Variants in BTBD9 observed in about 807,000 individuals in gnomAD.
The protein encoded by BTBD9 is BTB domain containing 9.
BTBD9 carries 49 observed loss-of-function variants against 64.3 expected under a neutral mutation model. The ratio of observed to expected loss-of-function variants is 0.76; its 90% CI spans 0.61 to 0.97. The LOEUF is 0.97. Ranked by LOEUF, BTBD9 falls within the 50% of genes least tolerant of loss-of-function variation. The probability of loss-of-function intolerance (pLI) is 0.00; values close to 1 mark genes in which losing one functional copy is unlikely to be tolerated. For synonymous variants in BTBD9, 260 were observed against 274.7 expected (o/e 0.95, Z 0.53); for missense variants, 598 against 762.1 (o/e 0.78, Z 2.53).
intron 8 of BTBD9, among the ~76,000 whole-genome samples, chr6:38,261,423 C>T (rs373373862): frequency 6.6e-6 from 1 of 152,166 alleles, no homozygotes; most frequent in South Asian, 2.1e-4. Context: ...ACTACCAGCA[C>T]TGCATAACAA....
In BTBD9 at chr6:38,592,656, A is replaced by G; in HGVS notation, c.734T>C (p.Leu245Pro). 6.2e-7 allele frequency: 1 copy of G among 1,614,150 alleles called. No homozygotes were observed. Among genetic ancestry groups the G allele is most frequent in the Non-Finnish European group, 8.5e-7 (1 of 1,180,012 alleles). Residue 245 changes from leucine (L) to proline (P), a missense_variant, in exon 4 of 11, where the codon CTG becomes CCG. By Grantham distance (98) the Leu-to-Pro change is moderately conservative. Coordinates refer to ENST00000481247, the MANE Select transcript of BTBD9 (RefSeq NM_001099272.2). ...LLNVVRPSGL[L>P]SPDAILDAIK... ...GGCATCCAGGATGGCATCAGGAGAC[A>G]GCAGTCCTGAAGGCCTCACAACATT...
intron 6 of BTBD9, among the ~76,000 whole-genome samples, chr6:38,523,678 G>A (rs1356019576): frequency 1.3e-5 from 2 of 152,102 alleles, no homozygotes; most frequent in Non-Finnish European, 2.9e-5. Context: ...CAACATTTTA[G>A]CCTACAGTAT....
At chr6:38,488,518 C>T (rs1370158085) in intron 6 of BTBD9, among the ~76,000 whole-genome samples, 1 of 152,120 alleles carries the variant, frequency 6.6e-6, no homozygotes. Context: ...TGCGATGTGT[C>T]GGCATAGCAC....
At chr6:38,449,082 G>C (rs1032192425) in intron 6 of BTBD9, among the ~76,000 whole-genome samples, 4 of 152,118 alleles carry the variant, frequency 2.6e-5, no homozygotes, top group Admixed American at 6.5e-5. Flanking sequence ...ACCAAAACAA[G>C]AGAGGACCTG....
chr6:38,500,204 C>T (rs1397906862), intron 6 of BTBD9, among the ~76,000 whole-genome samples: 2 of 144,486 alleles, frequency 1.4e-5, no homozygotes, highest in Non-Finnish European at 1.5e-5. Flanking sequence ...AAACCAATAA[C>T]AAATTGTATT....
intron 6 of BTBD9, among the ~76,000 whole-genome samples, chr6:38,425,576 A>T (rs1768107429): frequency 6.6e-6 from 1 of 151,694 alleles, no homozygotes; most frequent in Admixed American, 6.6e-5. Context: ...TAGGAGAGGG[A>T]GTTCTAGTTT....
chr6:38,476,897 A>G (rs951123458), intron 6 of BTBD9, among the ~76,000 whole-genome samples: 5 of 152,242 alleles, frequency 3.3e-5, no homozygotes, highest in Admixed American at 3.3e-4. Context: ...TTATTACTAT[A>G]CCTAATTTTC....
chr6:38,623,354 G>C (rs1396590196), intron 1 of BTBD9, among the ~76,000 whole-genome samples: 3 of 152,134 alleles, frequency 2.0e-5, no homozygotes, highest in African/African-American at 7.2e-5. Context: ...GATAGGAATG[G>C]CCACTGCTAC....
At chr6:38,463,315 G>A (rs1471119865) in intron 6 of BTBD9, among the ~76,000 whole-genome samples, 4 of 152,138 alleles carry the variant, frequency 2.6e-5, no homozygotes, top group Non-Finnish European at 5.9e-5. Context: ...CAATGATATT[G>A]TCTGAGAATT....
At chr6:38,506,446 G>A (rs116598821) in intron 6 of BTBD9, among the ~76,000 whole-genome samples, 234 of 152,306 alleles carry the variant, frequency 1.5e-3, no homozygotes, top group African/African-American at 5.5e-3. Context: ...TCGTGATCCC[G>A]TGCTGGCTGA....
At chr6:38,277,040 A>G (rs1295232831) in intron 8 of BTBD9, among the ~76,000 whole-genome samples, 1 of 152,234 alleles carries the variant, frequency 6.6e-6, no homozygotes, top group African/African-American at 2.4e-5. Flanking sequence ...GGTAAACTAT[A>G]GTTAACTAAA....
At chr6:38,581,514 T>G (rs1776283733) in intron 4 of BTBD9, among the ~76,000 whole-genome samples, 1 of 152,202 alleles carries the variant, frequency 6.6e-6, no homozygotes, top group African/African-American at 2.4e-5. Context: ...AACATTAGAT[T>G]TATTAACCAC....
At chr6:38,225,704 A>T (rs1725178877) in intron 9 of BTBD9, among the ~76,000 whole-genome samples, 1 of 152,176 alleles carries the variant, frequency 6.6e-6, no homozygotes, top group African/African-American at 2.4e-5. Flanking sequence ...GCTTGGCTGG[A>T]AAGGGTCACT....
Position 38,190,467 on chromosome 6 carries a change from TA to T in BTBD9, c.1641+2051del, listed in dbSNP as rs70981527. Among the ~76,000 whole-genome samples the T allele has an allele frequency of 2.2e-3, 171 of 77,500 alleles. 4 individuals are homozygous for T. Among genetic ancestry groups the T allele is most frequent in the East Asian group, 7.4e-3 (15 of 2,036 alleles). The allele number at this position is 77,500 out of a possible 152,430, so 50.8% of individuals were successfully genotyped here. ...TTGGGTGACAGAGTGAAACTCTGTC[TA>T]AAAAAAAAAAAAAAAAAAAAAAGAT... On this transcript the variant is annotated intron_variant, in intron 10 of 10. Transcript: ENST00000481247.
intron 9 of BTBD9, among the ~76,000 whole-genome samples, chr6:38,205,082 G>A (rs1391507865): frequency 6.6e-6 from 1 of 152,026 alleles, no homozygotes; most frequent in African/African-American, 2.4e-5. Flanking sequence ...TAAGAGAATA[G>A]AAGAATCAAA....
At chr6:38,575,137 A>G (rs1016005002) in intron 6 of BTBD9, among the ~76,000 whole-genome samples, 2 of 152,230 alleles carry the variant, frequency 1.3e-5, no homozygotes, top group African/African-American at 4.8e-5. Context: ...ACCATTACAG[A>G]GAATTTTCCA....
In BTBD9 at chr6:38,174,912, CCCCTGCTCAGGGAGGAGACCGTT is replaced by C; in HGVS notation, c.*50_*72del. On this transcript the variant is annotated 3_prime_UTR_variant, in exon 11 of 11. Transcript: ENST00000481247. ...CAGAGGTGGGGGCAGTCAACAGAGA[CCCCTGCTCAGGGAGGAGACCGTT>C]TCCTGCCGTTGCCCGAGCCCACCAA... 6.4e-7 allele frequency: 1 copy of C among 1,560,906 alleles called. No homozygotes were observed. The highest frequency in any genetic ancestry group is 8.7e-7 in the Non-Finnish European group (1 of 1,146,006).
intron 8 of BTBD9, among the ~76,000 whole-genome samples, chr6:38,281,049 T>C (rs1231296917): frequency 6.6e-6 from 1 of 152,206 alleles, no homozygotes; most frequent in African/African-American, 2.4e-5. Flanking sequence ...AGCACAGATG[T>C]AGAAAATACT....
intron 6 of BTBD9, among the ~76,000 whole-genome samples, chr6:38,374,305 A>ATATATATATG (rs1459305916): frequency 7.5e-5 from 5 of 66,598 alleles, no homozygotes; most frequent in East Asian, 4.0e-4. Flanking sequence ...ATGTATATAT[A>ATATATATATG]TGTATATATA....
Sources: gnomAD v4.1 joint callset for allele counts (sites outside exome capture counted in the v4.1 genomes callset) on GRCh38, gnomAD v4.1.1 for gene constraint, MANE v1.5 for transcripts, NCBI Gene and HGNC (gene_info 2026-07-23, HGNC 2026-07-21) for gene names.